Variants in ATRNL1 observed in about 807,000 individuals in gnomAD.
ATRNL1 encodes the protein attractin-like protein 1.
A neutral mutation model predicts 182.7 loss-of-function variants in ATRNL1; 95 were observed. The observed-to-expected ratio is 0.52, with a 90% CI of 0.44 to 0.62. ATRNL1 has a LOEUF of 0.62. Ranked by LOEUF, ATRNL1 falls within the 20% of genes least tolerant of loss-of-function variation. The pLI, the probability that ATRNL1 is intolerant of heterozygous loss-of-function variation, is 0.00. For missense variants in ATRNL1, 1,471 were observed against 1,679.5 expected (o/e 0.88, Z 2.17); for synonymous variants, 576 against 568.3 (o/e 1.01, Z -0.19).
intron 26 of ATRNL1, among the ~76,000 whole-genome samples, chr10:115,642,573 A>G (rs1555030839): frequency 1.3e-5 from 2 of 151,738 alleles, no homozygotes; most frequent in Non-Finnish European, 1.5e-5. Context: ...CCTCCCTAGT[A>G]GTTGGGGTTA....
At chr10:115,161,478 A>G (rs1237959421) in intron 6 of ATRNL1, among the ~76,000 whole-genome samples, 3 of 152,024 alleles carry the variant, frequency 2.0e-5, no homozygotes, top group Middle Eastern at 3.2e-3. Flanking sequence ...TGAGAAGTCT[A>G]TGAAAGTAGA....
chr10:115,154,895 A>G (rs894681910), intron 5 of ATRNL1, among the ~76,000 whole-genome samples: 14 of 152,146 alleles, frequency 9.2e-5, no homozygotes, highest in Non-Finnish European at 1.9e-4. Flanking sequence ...CTACGGCCCA[A>G]AGATTGGCCC....
chr10:115,940,908 T>A (rs1555124093), intron 28 of ATRNL1, among the ~76,000 whole-genome samples: 2 of 152,200 alleles, frequency 1.3e-5, no homozygotes. Context: ...CACACACACA[T>A]ATAAATGCAG....
At chr10:115,519,917 C>T (rs985053629) in intron 25 of ATRNL1, among the ~76,000 whole-genome samples, 5 of 152,094 alleles carry the variant, frequency 3.3e-5, no homozygotes, top group Non-Finnish European at 4.4e-5. Context: ...TTTCAGGGAA[C>T]ATTTATTTTC....
chr10:115,588,012 T>G (rs964923974), intron 26 of ATRNL1, among the ~76,000 whole-genome samples: 5 of 151,980 alleles, frequency 3.3e-5, no homozygotes, highest in Admixed American at 3.3e-4. Context: ...ACATGATAAA[T>G]GCAAATGGTT....
Position 115,126,024 on chromosome 10 carries a change from C to A in ATRNL1, c.492-1569C>A, listed in dbSNP as rs1363897290. The stretch of plus-strand genomic sequence containing the variant: ...TCTTTTATTTATTGTTTTTAAAATA[C>A]TTGTAAACAAAAAACCAAACAGATC... On this transcript the variant is annotated intron_variant, in intron 3 of 28. Coordinates refer to ENST00000355044, the MANE Select transcript of ATRNL1 (RefSeq NM_207303.4). Among the ~76,000 whole-genome samples the A allele has an allele frequency of 2.0e-5, 3 of 152,158 alleles. No homozygotes were observed. In the East Asian group the frequency reaches 5.8e-4, roughly 29 times the overall value.
At chr10:115,382,097 T>G (rs1424845768) in intron 19 of ATRNL1, among the ~76,000 whole-genome samples, 1 of 152,156 alleles carries the variant, frequency 6.6e-6, no homozygotes, top group Non-Finnish European at 1.5e-5. Context: ...TTTAATATTG[T>G]TGCTTTGTAG....
intron 24 of ATRNL1, among the ~76,000 whole-genome samples, chr10:115,482,107 C>A (rs187309765): frequency 7.3e-5 from 11 of 150,910 alleles, no homozygotes; most frequent in Admixed American, 2.6e-4. Flanking sequence ...ATTTCAGAAT[C>A]TCTCAATAGA....
chr10:115,830,747 T>C (rs565601482), intron 27 of ATRNL1, among the ~76,000 whole-genome samples: 3 of 152,254 alleles, frequency 2.0e-5, no homozygotes, highest in East Asian at 1.9e-4. Flanking sequence ...ATCGAGCTTT[T>C]CCTCTTGGGG....
intron 26 of ATRNL1, among the ~76,000 whole-genome samples, chr10:115,587,515 C>T (rs1360680475): frequency 2.4e-4 from 36 of 151,216 alleles, no homozygotes; most frequent in Admixed American, 4.0e-4. Context: ...GGGAGTGACC[C>T]GATTTTCCAG....
chr10:115,412,304 A>G (rs1236846330), intron 20 of ATRNL1, among the ~76,000 whole-genome samples: 9 of 152,238 alleles, frequency 5.9e-5, no homozygotes, highest in Non-Finnish European at 8.8e-5. Flanking sequence ...GGGAAAATAG[A>G]AGCAGGCATA....
chr10:115,152,015 G>T (rs1350345363), intron 5 of ATRNL1, among the ~76,000 whole-genome samples: 1 of 152,172 alleles, frequency 6.6e-6, no homozygotes, highest in African/African-American at 2.4e-5. Context: ...TCAAAGATCA[G>T]ATGGCTGTAG....
intron 27 of ATRNL1, among the ~76,000 whole-genome samples, chr10:115,844,740 C>T (rs908057596): frequency 9.2e-5 from 14 of 151,920 alleles, no homozygotes; most frequent in Non-Finnish European, 1.3e-4. Context: ...TGCAGTACAA[C>T]GAATATGAAA....
At chr10:115,476,728 G>T (rs1409796672) in intron 24 of ATRNL1, among the ~76,000 whole-genome samples, 1 of 150,668 alleles carries the variant, frequency 6.6e-6, no homozygotes. Flanking sequence ...TTTACATTCT[G>T]TATTTTTATC....
chr10:115,490,367 A>G (rs1478917328), intron 24 of ATRNL1, among the ~76,000 whole-genome samples: 1 of 152,058 alleles, frequency 6.6e-6, no homozygotes, highest in Non-Finnish European at 1.5e-5. Context: ...TATACCAATC[A>G]AATGTAGATT....
chr10:115,936,144 C>T (rs1166145257), intron 28 of ATRNL1, among the ~76,000 whole-genome samples: 7 of 152,316 alleles, frequency 4.6e-5, no homozygotes, highest in East Asian at 3.9e-4. Flanking sequence ...AAAATCTTTG[C>T]GTGCCCAGAG....
chr10:115,918,080 C>A (rs1555117815), intron 28 of ATRNL1, among the ~76,000 whole-genome samples: 1 of 147,634 alleles, frequency 6.8e-6, no homozygotes, highest in African/African-American at 2.5e-5. Context: ...TAGCTTACAG[C>A]AATCTATTTT....
At chr10:115,389,823 A>G (rs1409649004) in intron 19 of ATRNL1, among the ~76,000 whole-genome samples, 6 of 151,676 alleles carry the variant, frequency 4.0e-5, no homozygotes, top group African/African-American at 1.5e-4. Context: ...AACAGTACAC[A>G]TGGTTCCTTT....
At chr10:115,805,645 G>A (rs1949904388) in intron 27 of ATRNL1, among the ~76,000 whole-genome samples, 2 of 152,004 alleles carry the variant, frequency 1.3e-5, no homozygotes, top group Non-Finnish European at 2.9e-5. Flanking sequence ...ACTTGTCAGG[G>A]TTCTGTTTCT....
Sources: gnomAD v4.1 joint callset for allele counts (sites outside exome capture counted in the v4.1 genomes callset) on GRCh38, gnomAD v4.1.1 for gene constraint, MANE v1.5 for transcripts, NCBI Gene and HGNC (gene_info 2026-07-23, HGNC 2026-07-21) for gene names.